GRIA1: variants seen among roughly 807,000 people sequenced by gnomAD.
GRIA1 encodes glutamate receptor 1.
In GRIA1, 31 loss-of-function variants were observed where a neutral mutation model predicts 99.2. The observed-to-expected ratio is 0.31, with a 90% CI of 0.23 to 0.42. The LOEUF (loss-of-function observed/expected upper bound fraction) is 0.42. Ranked by LOEUF, GRIA1 falls within the 10% of genes least tolerant of loss-of-function variation. The probability of loss-of-function intolerance (pLI) is 1.00; values close to 1 mark genes in which losing one functional copy is unlikely to be tolerated. For missense variants in GRIA1, 782 were observed against 1,157.5 expected (o/e 0.68, Z 4.71); for synonymous variants, 438 against 432.4 (o/e 1.01, Z -0.16).
chr5:153,503,782 A>G (rs1456655807), intron 2 of GRIA1, among the ~76,000 whole-genome samples: 1 of 152,242 alleles, frequency 6.6e-6, no homozygotes, highest in Non-Finnish European at 1.5e-5. Flanking sequence ...TTTGAGCAGT[A>G]AGCAGTCAGG....
At chr5:153,691,886 T>C (rs1405751727) in intron 8 of GRIA1, among the ~76,000 whole-genome samples, 4 of 152,178 alleles carry the variant, frequency 2.6e-5, no homozygotes, top group African/African-American at 9.6e-5. Context: ...TTTTCAAATA[T>C]ATATCAGGTT....
rs116564499 is a variant in GRIA1 at position 153,589,863 on chromosome 5, G to A, written c.221-57065G>A. On this transcript the variant is annotated intron_variant, in intron 2 of 15. Transcript: ENST00000285900. ...TGTATGGAAAAAGAGGGAAGATGCT[G>A]TTGAAGAAACTGAATATTCACGCAG... Among the ~76,000 whole-genome samples, 864 of 152,292 alleles carry A rather than the reference G, an allele frequency of 5.7e-3. 8 individuals are homozygous for A. The highest frequency in any genetic ancestry group is 0.014 in the Middle Eastern group (4 of 294).
intron 2 of GRIA1, among the ~76,000 whole-genome samples, chr5:153,537,393 G>C (rs1329601212): frequency 6.6e-6 from 1 of 152,074 alleles, no homozygotes; most frequent in Non-Finnish European, 1.5e-5. Flanking sequence ...AGCTTGGCTG[G>C]TGAGAGCATT....
chr5:153,628,559 C>G (rs1192351529), intron 2 of GRIA1, among the ~76,000 whole-genome samples: 1 of 152,206 alleles, frequency 6.6e-6, no homozygotes, highest in Non-Finnish European at 1.5e-5. Flanking sequence ...TTTCAGTGAA[C>G]ATTATCTCAG....
At chr5:153,646,797 G>A in intron 2 of GRIA1, 131 bp from the exon 3 acceptor site, 2 of 946,892 alleles carry the variant, frequency 2.1e-6, no homozygotes, top group Non-Finnish European at 3.2e-6. Context: ...TGTTGGATGG[G>A]TAGATGGATA....
chr5:153,730,629 T>C (rs73279105), intron 11 of GRIA1, among the ~76,000 whole-genome samples: 14,636 of 152,116 alleles, frequency 0.096, 768 homozygotes, highest in South Asian at 0.21. Flanking sequence ...AAATAAAGAA[T>C]AAATTAGTAA....
chr5:153,735,063 C>T (rs1263019763), intron 11 of GRIA1, among the ~76,000 whole-genome samples: 1 of 152,018 alleles, frequency 6.6e-6, no homozygotes, highest in Non-Finnish European at 1.5e-5. Flanking sequence ...TGTTAAACAC[C>T]CTGCAATATA....
At chr5:153,615,035 T>C (rs576338387) in intron 2 of GRIA1, among the ~76,000 whole-genome samples, 83 of 152,300 alleles carry the variant, frequency 5.4e-4, no homozygotes, top group African/African-American at 1.9e-3. Context: ...CAAATGTGAT[T>C]TTAAAGTATG....
chr5:153,559,480 T>G lies in GRIA1; in HGVS notation c.220+65415T>G, dbSNP rs560861039. Among the ~76,000 whole-genome samples, 5 of 152,304 alleles carry G rather than the reference T, an allele frequency of 3.3e-5. No homozygotes were observed. The South Asian group carries it at 6.2e-4, about 19-fold the overall frequency. ...ACCTTGACTAGCTTTTCAATGTTTT[T>G]GGGGACAAGGACTCAAGGCCTTAGA... On this transcript the variant is annotated intron_variant, in intron 2 of 15. Coordinates refer to ENST00000285900, the MANE Select transcript of GRIA1 (RefSeq NM_000827.4).
intron 2 of GRIA1, among the ~76,000 whole-genome samples, chr5:153,569,763 CA>C (rs1761954957): frequency 6.6e-6 from 1 of 152,138 alleles, no homozygotes; most frequent in Non-Finnish European, 1.5e-5. Context: ...TGCAGATAGG[CA>C]TAACTACTTA....
chr5:153,579,710 G>T (rs760230823), intron 2 of GRIA1, among the ~76,000 whole-genome samples: 16 of 152,282 alleles, frequency 1.1e-4, no homozygotes, highest in Non-Finnish European at 2.1e-4. Flanking sequence ...TGCAGAGGTA[G>T]AGTAGGAGTA....
intron 2 of GRIA1, among the ~76,000 whole-genome samples, chr5:153,559,089 T>C (rs900848815): frequency 1.3e-5 from 2 of 152,206 alleles, no homozygotes; most frequent in African/African-American, 4.8e-5. Context: ...ACCCTGTCCA[T>C]TGGTAACCAG....
chr5:153,725,026 C>G (rs1306231954), intron 11 of GRIA1, among the ~76,000 whole-genome samples: 1 of 152,106 alleles, frequency 6.6e-6, no homozygotes, highest in Non-Finnish European at 1.5e-5. Context: ...AAAGGGAAGC[C>G]CATCAGACTA....
chr5:153,564,244 G>C (rs1761417543), intron 2 of GRIA1, among the ~76,000 whole-genome samples: 6 of 152,156 alleles, frequency 3.9e-5, no homozygotes, highest in Admixed American at 3.9e-4. Context: ...CAGTCATATG[G>C]ACTGGGCCCT....
chr5:153,550,676 C>A (rs1229927520), intron 2 of GRIA1, among the ~76,000 whole-genome samples: 1 of 152,118 alleles, frequency 6.6e-6, no homozygotes, highest in Non-Finnish European at 1.5e-5. Flanking sequence ...TGACCTTGGA[C>A]AAATAACTTT....
chr5:153,703,247 C>A (rs939285417), intron 10 of GRIA1, among the ~76,000 whole-genome samples: 1 of 152,160 alleles, frequency 6.6e-6, no homozygotes, highest in Admixed American at 6.5e-5. Flanking sequence ...AGATGAATGA[C>A]CCATGGCCAA....
intron 3 of GRIA1, among the ~76,000 whole-genome samples, chr5:153,650,002 C>T (rs1754434766): frequency 6.6e-6 from 1 of 152,168 alleles, no homozygotes; most frequent in African/African-American, 2.4e-5. Flanking sequence ...CTCATAATGA[C>T]ATTATGAGGT....
At chr5:153,627,580 G>GCA (rs1239845351) in intron 2 of GRIA1, among the ~76,000 whole-genome samples, 2 of 152,072 alleles carry the variant, frequency 1.3e-5, no homozygotes, top group Non-Finnish European at 2.9e-5. Flanking sequence ...TAAAAGAATG[G>GCA]GGCAAGCGAT....
intron 11 of GRIA1, among the ~76,000 whole-genome samples, chr5:153,738,209 G>C (rs1421054388): frequency 6.6e-6 from 1 of 152,170 alleles, no homozygotes; most frequent in East Asian, 1.9e-4. Flanking sequence ...TCTGGTAGCT[G>C]GTTCTCCATC....
Sources: gnomAD v4.1 joint callset for allele counts (sites outside exome capture counted in the v4.1 genomes callset) on GRCh38, gnomAD v4.1.1 for gene constraint, MANE v1.5 for transcripts, NCBI Gene and HGNC (gene_info 2026-07-23, HGNC 2026-07-21) for gene names.